The following NUP54 variants were observed in gnomAD, a reference collection of about 807,000 sequenced individuals.
NUP54 encodes the protein nucleoporin 54.
A neutral mutation model predicts 66.4 loss-of-function variants in NUP54; 27 were observed. The ratio of observed to expected loss-of-function variants is 0.41; its 90% CI spans 0.30 to 0.56. The LOEUF (loss-of-function observed/expected upper bound fraction) is 0.56, where lower values mean the gene tolerates loss of function less well. NUP54 is among the 20% of genes least tolerant of loss of function. NUP54 has a pLI of 0.34. For synonymous variants in NUP54, 206 were observed against 210.7 expected (o/e 0.98, Z 0.19); for missense variants, 486 against 596.3 (o/e 0.82, Z 1.93).
At chr4:76,120,099 C>T (rs4859615) in intron 9 of NUP54, among the ~76,000 whole-genome samples, 53,118 of 151,900 alleles carry the variant, frequency 0.35, 10,410 homozygotes, top group East Asian at 0.55. Context: ...ATTTTGTTTT[C>T]ACACTACAAT....
intron 9 of NUP54, among the ~76,000 whole-genome samples, chr4:76,121,069 C>G (rs1730214173): frequency 6.6e-6 from 1 of 152,182 alleles, no homozygotes; most frequent in Non-Finnish European, 1.5e-5. Flanking sequence ...CAATGTCTCT[C>G]AAATCCCAGG....
chr4:76,118,897 C>T (rs936317715), intron 9 of NUP54, among the ~76,000 whole-genome samples: 6 of 151,792 alleles, frequency 4.0e-5, no homozygotes, highest in Admixed American at 6.6e-5. Context: ...CCCAGCTACT[C>T]GGGAGGCTGA....
Position 76,115,157 on chromosome 4 carries a change from A to T in NUP54, c.*209T>A. On this transcript the variant is annotated 3_prime_UTR_variant, in exon 12 of 12. Transcript: ENST00000264883. Reference sequence around the variant, plus strand: ...CTTTTAAAGTAAATACAGCTTTTAGATATAAATCTTTCAAAGGTTTTCTTT... The same window carrying T: ...CTTTTAAAGTAAATACAGCTTTTAGTTATAAATCTTTCAAAGGTTTTCTTT... The T allele has an allele frequency of 2.4e-6, 1 of 413,590 alleles. No homozygotes were observed. The highest frequency in any genetic ancestry group is 4.2e-6 in the Non-Finnish European group (1 of 237,662). 25.6% of individuals were successfully genotyped at this position (413,590 alleles called of 1,614,324 possible).
Position 76,132,503 on chromosome 4 carries a change from C to CT in NUP54, c.907+19dup, listed in dbSNP as rs1273743199. 1.3e-6 allele frequency: 2 copies of CT among 1,530,082 alleles called. No homozygotes were observed. The highest frequency in any genetic ancestry group is 2.4e-5 in the East Asian group (1 of 42,514). 94.8% of individuals were successfully genotyped at this position (1,530,082 alleles called of 1,614,324 possible). A position where few individuals can be genotyped will look rare whatever the true frequency, so the allele number is the denominator to read the frequency against. On this transcript the variant is annotated intron_variant, in intron 6 of 11. Transcript: ENST00000264883. ...CTAAATCTTTCTTTTTTTTTGAACT[C>CT]TGTGATTCTAGAAACATACCAGCAG... is the stretch of plus-strand genomic sequence containing the variant.
intron 9 of NUP54, among the ~76,000 whole-genome samples, chr4:76,119,393 G>C (rs551086574): frequency 7.9e-5 from 12 of 152,060 alleles, no homozygotes; most frequent in African/African-American, 2.9e-4. Context: ...TGTTGTTTTT[G>C]TTTTTCTGAG....
intron 11 of NUP54, among the ~76,000 whole-genome samples, chr4:76,115,918 AT>A (rs1313736579): frequency 1.3e-5 from 2 of 152,152 alleles, no homozygotes; most frequent in Non-Finnish European, 2.9e-5. Flanking sequence ...AGATGCTAAC[AT>A]TTTTTTAAGA....
intron 9 of NUP54, among the ~76,000 whole-genome samples, chr4:76,120,886 T>C (rs890775443): frequency 6.6e-6 from 1 of 152,210 alleles, no homozygotes; most frequent in African/African-American, 2.4e-5. Context: ...TGTCAAATTA[T>C]AGGATCTCTT....
chr4:76,136,879 T>C (rs2109895742), intron 3 of NUP54, among the ~76,000 whole-genome samples: 2 of 152,338 alleles, frequency 1.3e-5, no homozygotes, highest in Middle Eastern at 6.8e-3. Flanking sequence ...CTCCAGAAAC[T>C]ATAAAATAAT....
intron 9 of NUP54, among the ~76,000 whole-genome samples, chr4:76,123,796 G>A (rs1301380669): frequency 6.6e-6 from 1 of 152,178 alleles, no homozygotes; most frequent in East Asian, 1.9e-4. Context: ...TTACAAGAGT[G>A]AGACACTGTG....
At chr4:76,125,900 T>C (rs902450562) in intron 8 of NUP54, among the ~76,000 whole-genome samples, 2 of 145,340 alleles carry the variant, frequency 1.4e-5, no homozygotes, top group Non-Finnish European at 1.5e-5. Flanking sequence ...GAGAGACCTA[T>C]CTCAAAAGGA....
chr4:76,118,243 T>C, intron 9 of NUP54, 49 bp from the exon 10 acceptor site: 1 of 1,550,226 alleles, frequency 6.5e-7, no homozygotes, highest in Non-Finnish European at 8.9e-7. Context: ...TCTTTTTAGT[T>C]ATGCAAGTAG....
chr4:76,134,201 C>G lies in NUP54; in HGVS notation c.684G>C (p.Glu228Asp). The G allele has an allele frequency of 6.2e-7, 1 of 1,612,714 alleles. No individual in the cohort carries two copies. Among genetic ancestry groups the G allele is most frequent in the Non-Finnish European group, 8.5e-7 (1 of 1,178,990 alleles). ...GGNQTLTVNV[E>D]GTKTLPDDQT... ...GATCATCTGGCAATGTTTTAGTGCC[C>G]TCTACATTTACAGTAAGGGTCTGGT... The change falls in exon 5 of 12, where the codon GAG becomes GAC. Residue 228 changes from glutamate (E) to aspartate (D), a missense_variant. Glu to Asp is a conservative substitution (Grantham distance 45, BLOSUM62 2). Coordinates refer to ENST00000264883, the MANE Select transcript of NUP54 (RefSeq NM_017426.4).
chr4:76,143,389 A>AG (rs1165950295), intron 3 of NUP54, among the ~76,000 whole-genome samples: 1 of 152,206 alleles, frequency 6.6e-6, no homozygotes, highest in Non-Finnish European at 1.5e-5. Flanking sequence ...GCAGATCACG[A>AG]GGTCAGGAGT....
chr4:76,140,413 G>C (rs1011802164), intron 3 of NUP54, among the ~76,000 whole-genome samples: 6 of 151,476 alleles, frequency 4.0e-5, no homozygotes, highest in African/African-American at 1.5e-4. Context: ...AGCCTCCCGA[G>C]TAACTGGGAC....
In NUP54 at chr4:76,146,928, T is replaced by C. The variant is rs141166178; in HGVS notation, c.67+1380A>G. ...TTCCAGCAAAGAACTGGGGATTCTT[T>C]CTATAATTACAAATCTTATAGAAAT... On this transcript the variant is annotated intron_variant, in intron 1 of 11. Transcript: ENST00000264883. 3.4e-3 allele frequency among the ~76,000 whole-genome samples: 518 copies of C among 152,338 alleles called. 3 individuals are homozygous for C. Among genetic ancestry groups the C allele is most frequent in the African/African-American group, 0.012 (498 of 41,580 alleles).
chr4:76,131,387 A>C, intron 6 of NUP54, 103 bp from the exon 7 acceptor site: 1 of 604,642 alleles, frequency 1.7e-6, no homozygotes, highest in Non-Finnish European at 2.8e-6. Flanking sequence ...TAGAAGCTAT[A>C]ATGAAAAGTG....
At chr4:76,139,520 A>G (rs1412358024) in intron 3 of NUP54, among the ~76,000 whole-genome samples, 1 of 152,228 alleles carries the variant, frequency 6.6e-6, no homozygotes, top group Non-Finnish European at 1.5e-5. Context: ...AAAAAACAGA[A>G]TGGGGAATTC....
Position 76,144,253 on chromosome 4 carries a change from C to G in NUP54, c.191G>C (p.Gly64Ala). Residue 64 changes from glycine to alanine, a missense_variant, in exon 3 of 12, where the codon GGT (glycine) becomes GCT (alanine). Coordinates refer to ENST00000264883, the MANE Select transcript of NUP54 (RefSeq NM_017426.4). ...TCCCGTTGTTGTGCCAAAACCAGTA[C>G]CAAATCCAAAACCTTTGTTCTGAGT... ...GGTQNKGFGF[G>A]TGFGTTTGTS... is the part of the protein sequence containing the mutation. The G allele has an allele frequency of 6.2e-7, 1 of 1,613,746 alleles. No homozygotes were observed. Among genetic ancestry groups the G allele is most frequent in the Non-Finnish European group, 8.5e-7 (1 of 1,179,932 alleles).
At chr4:76,147,542 T>G (rs1447073542) in intron 1 of NUP54, 4 of 1,289,380 alleles carry the variant, frequency 3.1e-6, no homozygotes, top group Non-Finnish European at 4.0e-6. Flanking sequence ...ACACCGAAAT[T>G]CCCAATATTA....
Sources: gnomAD v4.1 joint callset for allele counts (sites outside exome capture counted in the v4.1 genomes callset) on GRCh38, gnomAD v4.1.1 for gene constraint, MANE v1.5 for transcripts, NCBI Gene and HGNC (gene_info 2026-07-23, HGNC 2026-07-21) for gene names.